STRN3: variants seen among roughly 807,000 people sequenced by gnomAD.
STRN3 encodes striatin-3.
In STRN3, 29 loss-of-function variants were observed where a neutral mutation model predicts 95.6. The observed-to-expected ratio is 0.30, with a 90% CI of 0.23 to 0.41. STRN3 has a LOEUF of 0.41. STRN3 is among the 10% of genes least tolerant of loss of function. The pLI is 1.00. For missense variants in STRN3, 890 were observed against 972.1 expected (o/e 0.92, Z 1.12); for synonymous variants, 331 against 357.6 (o/e 0.93, Z 0.84).
chr14:30,975,653 C>G (rs1296860726), intron 1 of STRN3, among the ~76,000 whole-genome samples: 1 of 151,336 alleles, frequency 6.6e-6, no homozygotes, highest in East Asian at 1.9e-4. Flanking sequence ...TATAGCCAGA[C>G]TGCATGTCTA....
intron 1 of STRN3, among the ~76,000 whole-genome samples, chr14:31,017,812 C>T (rs1165273809): frequency 2.0e-5 from 3 of 152,100 alleles, no homozygotes; most frequent in South Asian, 2.1e-4. Flanking sequence ...CACGGTGGCT[C>T]ACACCTGAAA....
At chr14:30,942,861 T>C (rs1263477919) in intron 5 of STRN3, among the ~76,000 whole-genome samples, 1 of 152,208 alleles carries the variant, frequency 6.6e-6, no homozygotes, top group Non-Finnish European at 1.5e-5. Context: ...GTGTCAGGCA[T>C]TGTTCTAAAT....
At chr14:30,972,797 C>CCTAT (rs1351846244) in intron 1 of STRN3, among the ~76,000 whole-genome samples, 3 of 152,028 alleles carry the variant, frequency 2.0e-5, no homozygotes, top group African/African-American at 7.2e-5. Context: ...AGAACAAGAC[C>CCTAT]CTATCTCTAT....
At chr14:30,949,027 G>GA (rs968233738) in intron 4 of STRN3, among the ~76,000 whole-genome samples, 6 of 152,082 alleles carry the variant, frequency 3.9e-5, no homozygotes, top group Non-Finnish European at 5.9e-5. Context: ...CTGACATACA[G>GA]AAAAAAAGTG....
chr14:30,902,632 T>C lies in STRN3; in HGVS notation c.2041A>G (p.Asn681Asp), dbSNP rs1896355205. Residue 681 changes from asparagine to aspartate, a missense_variant, in exon 16 of 18, where the codon AAT becomes GAT. Around this residue, in one of 3 missense-constraint regions of STRN3, gnomAD observed 357 missense variants for 422.8 expected, o/e 0.84. Coordinates refer to ENST00000357479, the MANE Select transcript of STRN3 (RefSeq NM_001083893.2). ...CTTACTACTCTGTTGATATGATTAT[T>C]AGATTGTAAACCTGAAAAATAAAGG... ...SSQVDSGLQS[N>D]NHINRVVSHP... The C allele has an allele frequency of 6.3e-7, 1 of 1,590,186 alleles. No individual in the cohort carries two copies. The highest frequency in any genetic ancestry group is 1.4e-5 in the African/African-American group (1 of 73,844).
chr14:30,952,294 C>T (rs1594486197), intron 3 of STRN3, among the ~76,000 whole-genome samples: 1 of 152,114 alleles, frequency 6.6e-6, no homozygotes, highest in East Asian at 1.9e-4. Flanking sequence ...AAGATCAACC[C>T]TCATACTGAA....
intron 1 of STRN3, among the ~76,000 whole-genome samples, chr14:30,998,960 CA>C (rs898018761): frequency 4.1e-4 from 62 of 152,088 alleles, no homozygotes; most frequent in African/African-American, 1.4e-3. Context: ...AAGTTTTCAA[CA>C]AAAAAATAAC....
chr14:30,999,445 T>C (rs1419826565), intron 1 of STRN3, among the ~76,000 whole-genome samples: 1 of 152,214 alleles, frequency 6.6e-6, no homozygotes, highest in Admixed American at 6.5e-5. Context: ...AATGATATTT[T>C]ACCAAATAAA....
chr14:30,985,983 T>TTCTC (rs375816763), intron 1 of STRN3, among the ~76,000 whole-genome samples: 1 of 151,456 alleles, frequency 6.6e-6, no homozygotes, highest in Non-Finnish European at 1.5e-5. Flanking sequence ...TGCATGCGCT[T>TTCTC]TCTCTCTCTC....
At chr14:30,942,621 A>T (rs553736947) in intron 5 of STRN3, among the ~76,000 whole-genome samples, 26 of 152,156 alleles carry the variant, frequency 1.7e-4, no homozygotes, top group Non-Finnish European at 3.7e-4. Context: ...AAACAGCACA[A>T]CTTTTCCCAG....
intron 1 of STRN3, among the ~76,000 whole-genome samples, chr14:30,980,227 A>C (rs1241211292): frequency 6.6e-6 from 1 of 151,972 alleles, no homozygotes; most frequent in East Asian, 2.0e-4. Flanking sequence ...CTGGGATGAC[A>C]GAGCAAGACT....
At chr14:30,951,824 A>G (rs1459682314) in intron 3 of STRN3, among the ~76,000 whole-genome samples, 1 of 152,228 alleles carries the variant, frequency 6.6e-6, no homozygotes, top group Admixed American at 6.5e-5. Context: ...AAAAAATAAT[A>G]AAAAGAGATT....
intron 5 of STRN3, among the ~76,000 whole-genome samples, chr14:30,938,157 G>A (rs8008780): frequency 0.16 from 23,579 of 151,474 alleles, 2,060 homozygotes; most frequent in South Asian, 0.33. Context: ...AGATAGAAAG[G>A]GTTGACTATA....
In STRN3 at chr14:30,929,231, T is replaced by A. The variant is rs758547958; in HGVS notation, c.1069A>T (p.Lys357Ter). Reference protein sequence around the residue: ...LISKLKEQYKKERKGKKGVKR... With the variant: ...LISKLKEQYK ...ACCCCTTTCTTCCCCTTTCGTTCCT[T>A]CTTGTACTGTTCCTTCAGTTTACTT... is the stretch of plus-strand genomic sequence containing the variant. Residue 357 changes from lysine to a stop codon, truncating the protein, a stop_gained, in exon 8 of 18, where the codon AAG becomes TAG. Coordinates refer to ENST00000357479, the MANE Select transcript of STRN3 (RefSeq NM_001083893.2). LOFTEE classifies it high-confidence loss of function. The A allele has an allele frequency of 6.2e-7, 1 of 1,613,208 alleles. No individual in the cohort carries two copies. Among genetic ancestry groups the A allele is most frequent in the East Asian group, 2.2e-5 (1 of 44,764 alleles).
chr14:30,912,804 A>AT (rs1308339656), intron 10 of STRN3, among the ~76,000 whole-genome samples: 10 of 152,172 alleles, frequency 6.6e-5, no homozygotes, highest in Non-Finnish European at 1.0e-4. Context: ...TACTTAAAAA[A>AT]ATATATTAAT....
intron 6 of STRN3, among the ~76,000 whole-genome samples, chr14:30,935,972 C>T (rs1878796560): frequency 6.6e-6 from 1 of 152,302 alleles, no homozygotes; most frequent in African/African-American, 2.4e-5. Flanking sequence ...CACGAATGGA[C>T]GATCAACTCT....
chr14:30,952,125 A>AC (rs1555320044), intron 3 of STRN3, among the ~76,000 whole-genome samples: 61 of 134,846 alleles, frequency 4.5e-4, no homozygotes, highest in African/African-American at 1.6e-3. Flanking sequence ...CTTAAACAAC[A>AC]AAAAAAAAGA....
chr14:30,907,282 T>A (rs1896488886), intron 13 of STRN3, among the ~76,000 whole-genome samples: 1 of 138,544 alleles, frequency 7.2e-6, no homozygotes, highest in South Asian at 2.2e-4. Context: ...AACATATGCT[T>A]TTTTTTTTTT....
chr14:31,025,609 C>A, intron 1 of STRN3: 1 of 481,006 alleles, frequency 2.1e-6, no homozygotes. Context: ...CCCCGGAGGC[C>A]CGGGAAGGCC....
Sources: allele counts gnomAD v4.1 joint callset (sites outside exome capture counted in the v4.1 genomes callset), GRCh38; gene constraint gnomAD v4.1.1; regional missense constraint gnomAD v4.1.1; transcripts MANE v1.5; gene names NCBI Gene and HGNC (gene_info 2026-07-23, HGNC 2026-07-21).